The following ARFGAP3 variants were observed in gnomAD, a reference collection of about 807,000 sequenced individuals.
ARFGAP3 encodes ARF GTPase activating protein 3, also known as ADP-ribosylation factor GTPase-activating protein 3.
ARFGAP3 carries 72 observed loss-of-function variants against 75.0 expected under a neutral mutation model. The ratio of observed to expected loss-of-function variants is 0.96; its 90% CI spans 0.79 to 1.17. The LOEUF (loss-of-function observed/expected upper bound fraction) is 1.17. Ranked by LOEUF, ARFGAP3 falls within the 50% of genes most tolerant of loss-of-function variation. ARFGAP3 has a pLI of 0.00. For synonymous variants in ARFGAP3, 221 were observed against 217.9 expected, an observed-to-expected ratio of 1.01 and a Z score of -0.13; for missense variants, 620 against 626.6, an observed-to-expected ratio of 0.99 and a Z score of 0.11.
Position 42,807,165 on chromosome 22 carries a change from T to C in ARFGAP3, c.1321-2A>G, listed in dbSNP as rs1925164314. On this transcript the variant is annotated splice_acceptor_variant, in intron 13 of 15. Coordinates refer to ENST00000263245, the MANE Select transcript of ARFGAP3 (RefSeq NM_014570.5). LOFTEE classifies it high-confidence loss of function. ...CTCTAGGCGGGCCCTGGTCTCATAC[T>C]AGAGAAGACAAGGAAAAGGAAATGT... 2 of 1,607,864 alleles carry C rather than the reference T, an allele frequency of 1.2e-6. No homozygotes were observed. Among genetic ancestry groups the C allele is most frequent in the Non-Finnish European group, 1.7e-6 (2 of 1,177,358 alleles).
chr22:42,856,411 G>C (rs1277305313), intron 1 of ARFGAP3, among the ~76,000 whole-genome samples: 2 of 152,068 alleles, frequency 1.3e-5, no homozygotes, highest in Non-Finnish European at 2.9e-5. Flanking sequence ...CCGACCCGAC[G>C]TGTCACCTTA....
At chr22:42,797,681 A>C (rs1330823893) in intron 15 of ARFGAP3, 76 bp from the exon 16 acceptor site, 5 of 1,613,370 alleles carry the variant, frequency 3.1e-6, no homozygotes, top group Admixed American at 1.7e-5. Context: ...AATATTCAGC[A>C]TCACCCAAAT....
intron 6 of ARFGAP3, 192 bp from the exon 7 acceptor site, chr22:42,827,191 AT>A: frequency 3.3e-6 from 2 of 614,100 alleles, no homozygotes; most frequent in Non-Finnish European, 4.1e-6. Flanking sequence ...GTAGAAGTTT[AT>A]TTTTAATCCA....
intron 6 of ARFGAP3, among the ~76,000 whole-genome samples, chr22:42,827,960 AATTTT>A (rs1475721906): frequency 3.3e-5 from 5 of 152,140 alleles, no homozygotes; most frequent in South Asian, 2.1e-4. Flanking sequence ...TTGTTATTTT[AATTTT>A]ATTTTATTTA....
chr22:42,840,652 C>T (rs1475049319), intron 3 of ARFGAP3, among the ~76,000 whole-genome samples: 4 of 151,812 alleles, frequency 2.6e-5, no homozygotes, highest in Non-Finnish European at 5.9e-5. Flanking sequence ...TGGTCTCGAA[C>T]TCTTGACCTC....
intron 9 of ARFGAP3, among the ~76,000 whole-genome samples, chr22:42,818,464 C>G (rs1925674697): frequency 6.6e-6 from 1 of 152,140 alleles, no homozygotes; most frequent in Non-Finnish European, 1.5e-5. Context: ...TCAAATACCA[C>G]TCTTCTATTT....
intron 7 of ARFGAP3, among the ~76,000 whole-genome samples, chr22:42,824,083 A>G (rs1925932875): frequency 6.7e-6 from 1 of 148,398 alleles, no homozygotes; most frequent in African/African-American, 2.5e-5. Flanking sequence ...AGCTGAGTGC[A>G]GTGGCATTAC....
chr22:42,803,321 G>A (rs1241558349), intron 14 of ARFGAP3, among the ~76,000 whole-genome samples: 1 of 152,088 alleles, frequency 6.6e-6, no homozygotes, highest in African/African-American at 2.4e-5. Context: ...CAGTGCTTTC[G>A]AGGTCACACT....
chr22:42,825,106 C>T (rs183262404), intron 7 of ARFGAP3, among the ~76,000 whole-genome samples: 1 of 152,160 alleles, frequency 6.6e-6, no homozygotes, highest in African/African-American at 2.4e-5. Context: ...AACAAACAAA[C>T]AAAAAACATT....
At chr22:42,826,549 T>TTTG (rs552674646) in intron 7 of ARFGAP3, among the ~76,000 whole-genome samples, 172 of 151,432 alleles carry the variant, frequency 1.1e-3, no homozygotes, top group Middle Eastern at 0.01. Context: ...TCAGGTAATT[T>TTTG]TTGTTGTTGT....
chr22:42,835,481 G>T lies in ARFGAP3; in HGVS notation c.274C>A (p.His92Asn). 1.2e-6 allele frequency: 2 copies of T among 1,613,178 alleles called. No homozygotes were observed. The highest frequency in any genetic ancestry group is 1.7e-6 in the Non-Finnish European group (2 of 1,179,636). ...GGNASASSFF[H>N]QHGCSTNDTN... Reference sequence around the variant, plus strand: ...TCATTGGTGGAACACCCATGTTGATGAAAAAAGGAAGACTACAGAGAAAAG... The same window carrying T: ...TCATTGGTGGAACACCCATGTTGATTAAAAAAGGAAGACTACAGAGAAAAG... Residue 92 changes from histidine to asparagine, a missense_variant, in exon 4 of 16, where the codon CAT becomes AAT. His to Asn is a moderately conservative substitution (Grantham distance 68). Transcript: ENST00000263245.
At chr22:42,852,421 G>A (rs1311552691) in intron 1 of ARFGAP3, among the ~76,000 whole-genome samples, 1 of 151,338 alleles carries the variant, frequency 6.6e-6, no homozygotes, top group Non-Finnish European at 1.5e-5. Context: ...GTGCAATGGC[G>A]TGATCTTGGT....
chr22:42,807,877 C>A (rs577256730), intron 13 of ARFGAP3, among the ~76,000 whole-genome samples: 17 of 151,388 alleles, frequency 1.1e-4, no homozygotes, highest in African/African-American at 4.1e-4. Context: ...TCCCAAGTAG[C>A]TGGACTAGAA....
At chr22:42,835,561 C>G (rs1926485677) in intron 3 of ARFGAP3, 68 bp from the exon 4 acceptor site, 1 of 1,575,336 alleles carries the variant, frequency 6.3e-7, no homozygotes, top group Non-Finnish European at 8.6e-7. Context: ...GTGGCTCATG[C>G]CTGTAATCCC....
chr22:42,857,056 C>A, intron 1 of ARFGAP3, 58 bp downstream of exon 1: 13 of 1,459,506 alleles, frequency 8.9e-6, no homozygotes, highest in Non-Finnish European at 1.2e-5. Flanking sequence ...GCCCGCGGGG[C>A]CTCCCGCCGG....
chr22:42,816,238 TCG>T (rs1329679821), intron 11 of ARFGAP3, among the ~76,000 whole-genome samples: 2 of 152,250 alleles, frequency 1.3e-5, no homozygotes, highest in Non-Finnish European at 2.9e-5. Flanking sequence ...GCTATAGCAT[TCG>T]CAGTATCTCA....
intron 14 of ARFGAP3, among the ~76,000 whole-genome samples, chr22:42,800,084 G>C (rs1279271151): frequency 1.1e-4 from 16 of 152,180 alleles, no homozygotes; most frequent in Admixed American, 1.0e-3. Flanking sequence ...CACACTCCTA[G>C]AGCTGACAAT....
intron 13 of ARFGAP3, 161 bp from the exon 14 acceptor site, chr22:42,807,324 G>A: frequency 2.1e-6 from 2 of 934,770 alleles, no homozygotes; most frequent in Non-Finnish European, 2.6e-6. Context: ...CTGCGGGACA[G>A]CACAAAGCTC....
At chr22:42,799,912 C>CTCTT (rs1924780074) in intron 14 of ARFGAP3, among the ~76,000 whole-genome samples, 1 of 152,190 alleles carries the variant, frequency 6.6e-6, no homozygotes, top group Non-Finnish European at 1.5e-5. Flanking sequence ...CACTTCCACC[C>CTCTT]TCTTTGCTAG....
Sources: gnomAD v4.1 joint callset for allele counts (sites outside exome capture counted in the v4.1 genomes callset) on GRCh38, gnomAD v4.1.1 for gene constraint, MANE v1.5 for transcripts, NCBI Gene and HGNC (gene_info 2026-07-23, HGNC 2026-07-21) for gene names.